The following CNTNAP5 variants were observed in gnomAD, a reference collection of about 807,000 sequenced individuals.
CNTNAP5 encodes the protein contactin-associated protein-like 5.
Under a neutral mutation model 150.2 loss-of-function variants are expected in CNTNAP5, and 72 were observed. That is an observed-to-expected ratio of 0.48 (90% CI 0.40 to 0.58). The LOEUF is 0.58. Among genes scored for constraint, CNTNAP5 ranks in the 20% least tolerant of loss-of-function variants. The pLI, the probability that CNTNAP5 is intolerant of heterozygous loss-of-function variation, is 0.00. For synonymous variants in CNTNAP5, 672 were observed against 619.8 expected, an observed-to-expected ratio of 1.08 and a Z score of -1.25; for missense variants, 1,636 against 1,626.2, an observed-to-expected ratio of 1.01 and a Z score of -0.10.
chr2:124,158,845 G>C (rs77265649), intron 1 of CNTNAP5, among the ~76,000 whole-genome samples: 2 of 152,128 alleles, frequency 1.3e-5, no homozygotes, highest in African/African-American at 4.8e-5. Flanking sequence ...CCTCAAGAGC[G>C]CCTGGCAGGT....
At position 124,891,638 on chromosome 2, in the gene CNTNAP5, G is replaced by A. The variant is rs976103183; in HGVS notation, c.3437-11244G>A. On this transcript the variant is annotated intron_variant, in intron 21 of 23. Coordinates refer to ENST00000682447, the MANE Select transcript of CNTNAP5 (RefSeq NM_001367498.1). ...TGGTGATAAAAACCTGTTCTAAAGG[G>A]GAAACTGTGTACATATTTAATTGAA... is the stretch of plus-strand genomic sequence containing the variant. Among the ~76,000 whole-genome samples, 69 of 152,056 alleles carry A rather than the reference G, an allele frequency of 4.5e-4. 1 individual carries two copies. The highest frequency in any genetic ancestry group is 5.9e-5 in the Non-Finnish European group (4 of 68,020).
At chr2:124,762,283 G>A (rs1374068991) in intron 14 of CNTNAP5, among the ~76,000 whole-genome samples, 1 of 152,056 alleles carries the variant, frequency 6.6e-6, no homozygotes. Flanking sequence ...AGGAATATAT[G>A]TACAGGTGAA....
intron 2 of CNTNAP5, among the ~76,000 whole-genome samples, chr2:124,236,610 G>A (rs1686752658): frequency 6.6e-6 from 1 of 152,118 alleles, no homozygotes; most frequent in Admixed American, 6.5e-5. Context: ...AGGTAGCTGT[G>A]TCCCTAAAAC....
intron 13 of CNTNAP5, among the ~76,000 whole-genome samples, chr2:124,674,486 C>T (rs1475281111): frequency 3.8e-5 from 5 of 130,636 alleles, no homozygotes; most frequent in Non-Finnish European, 1.7e-5. Flanking sequence ...CCCTCTCTCC[C>T]TCTCTACTTC....
intron 1 of CNTNAP5, among the ~76,000 whole-genome samples, chr2:124,201,544 A>C (rs1375364925): frequency 6.6e-6 from 1 of 152,248 alleles, no homozygotes; most frequent in African/African-American, 2.4e-5. Flanking sequence ...ATACATCTAA[A>C]ACCCTGCTTC....
chr2:124,371,972 G>A (rs1690539195), intron 3 of CNTNAP5, among the ~76,000 whole-genome samples: 1 of 152,066 alleles, frequency 6.6e-6, no homozygotes, highest in Non-Finnish European at 1.5e-5. Context: ...TATCTGGTGT[G>A]TCTGTGAGGG....
intron 3 of CNTNAP5, among the ~76,000 whole-genome samples, chr2:124,416,359 C>T (rs117608884): frequency 2.1e-5 from 3 of 146,004 alleles, no homozygotes; most frequent in Non-Finnish European, 4.5e-5. Flanking sequence ...TGGATTTCCT[C>T]TTTTTTTTTT....
intron 1 of CNTNAP5, among the ~76,000 whole-genome samples, chr2:124,035,165 C>T (rs895054907): frequency 3.9e-5 from 6 of 152,036 alleles, no homozygotes; most frequent in African/African-American, 1.4e-4. Flanking sequence ...CCAGAGAAAA[C>T]CAAAACAAAA....
intron 13 of CNTNAP5, among the ~76,000 whole-genome samples, chr2:124,656,812 A>C (rs1378006503): frequency 6.6e-6 from 1 of 152,196 alleles, no homozygotes; most frequent in Non-Finnish European, 1.5e-5. Flanking sequence ...TCAAGGATAA[A>C]GGAATGCACA....
chr2:124,651,716 T>C (rs1264110537), intron 13 of CNTNAP5, among the ~76,000 whole-genome samples: 5 of 152,188 alleles, frequency 3.3e-5, no homozygotes, highest in Admixed American at 2.0e-4. Context: ...ATTTCCTTAT[T>C]GTGTAGGAAA....
intron 19 of CNTNAP5, among the ~76,000 whole-genome samples, chr2:124,850,189 G>T (rs1436479260): frequency 1.3e-5 from 2 of 152,128 alleles, no homozygotes; most frequent in Non-Finnish European, 2.9e-5. Context: ...GTAAAAATAG[G>T]TCACTAATTT....
At chr2:124,201,427 G>T (rs915084430) in intron 1 of CNTNAP5, among the ~76,000 whole-genome samples, 1 of 152,232 alleles carries the variant, frequency 6.6e-6, no homozygotes, top group Non-Finnish European at 1.5e-5. Context: ...CGTTATGTAT[G>T]ATCACATTTA....
rs1558746845 is a variant in CNTNAP5, at chr2:124,713,303, T to TC, written c.2078-33925dup. On this transcript the variant is annotated intron_variant, in intron 13 of 23. Coordinates refer to ENST00000682447, the MANE Select transcript of CNTNAP5 (RefSeq NM_001367498.1). The stretch of plus-strand genomic sequence containing the variant: ...TTTCTTTCTTTCTTTCTTTCTTTCT[T>TC]CTTTCTCTTTCTTTCCTTTCTTTCT... Among the ~76,000 whole-genome samples, 100 of 99,154 alleles carry TC rather than the reference T, an allele frequency of 1.0e-3. 4 individuals carry two copies. Among genetic ancestry groups the TC allele is most frequent in the Middle Eastern group, 5.7e-3 (1 of 176 alleles). 65.0% of individuals were successfully genotyped at this position (99,154 alleles called of 152,430 possible).
At chr2:124,891,521 C>T (rs62173297) in intron 21 of CNTNAP5, among the ~76,000 whole-genome samples, 2 of 152,032 alleles carry the variant, frequency 1.3e-5, no homozygotes, top group Non-Finnish European at 2.9e-5. Context: ...TATTCATCCC[C>T]ATTTTATAAA....
At chr2:124,653,295 A>T (rs377241918) in intron 13 of CNTNAP5, among the ~76,000 whole-genome samples, 19 of 152,188 alleles carry the variant, frequency 1.2e-4, no homozygotes, top group East Asian at 3.9e-4. Context: ...TTAATTACTG[A>T]TACTTTAGTG....
intron 19 of CNTNAP5, among the ~76,000 whole-genome samples, chr2:124,858,431 C>A (rs1234282514): frequency 6.6e-6 from 1 of 152,190 alleles, no homozygotes; most frequent in African/African-American, 2.4e-5. Flanking sequence ...AGAACCAAAT[C>A]ATGAGTTAAC....
At chr2:124,567,019 C>T (rs1696039674) in intron 11 of CNTNAP5, among the ~76,000 whole-genome samples, 1 of 152,180 alleles carries the variant, frequency 6.6e-6, no homozygotes, top group African/African-American at 2.4e-5. Flanking sequence ...AATACAAACT[C>T]TTTGGATTAA....
intron 3 of CNTNAP5, among the ~76,000 whole-genome samples, chr2:124,306,217 C>T (rs554096782): frequency 1.3e-5 from 2 of 152,118 alleles, no homozygotes; most frequent in Non-Finnish European, 1.5e-5. Flanking sequence ...AAGATCCCAG[C>T]TATGTTGTTC....
chr2:124,409,211 G>T (rs1357793027), intron 3 of CNTNAP5, among the ~76,000 whole-genome samples: 6 of 123,452 alleles, frequency 4.9e-5, no homozygotes, highest in African/African-American at 1.5e-4. Context: ...AAGCCTCCAA[G>T]AAATATGGGA....
Sources: allele counts gnomAD v4.1 joint callset (sites outside exome capture counted in the v4.1 genomes callset), GRCh38; gene constraint gnomAD v4.1.1; transcripts MANE v1.5; gene names NCBI Gene and HGNC (gene_info 2026-07-23, HGNC 2026-07-21).